The following KCNAB1 variants were observed in gnomAD, a reference collection of about 807,000 sequenced individuals.
The protein encoded by KCNAB1 is potassium voltage-gated channel subfamily A regulatory beta subunit 1, also known as voltage-gated potassium channel subunit beta-1.
Under a neutral mutation model 64.6 loss-of-function variants are expected in KCNAB1, and 35 were observed. That is an observed-to-expected ratio of 0.54 (90% CI 0.41 to 0.72). The LOEUF is 0.72. KCNAB1 is among the 30% of genes least tolerant of loss of function. The pLI, the probability that KCNAB1 is intolerant of heterozygous loss-of-function variation, is 0.00. For missense variants in KCNAB1, 401 were observed against 512.9 expected, an observed-to-expected ratio of 0.78 and a Z score of 2.11; for synonymous variants, 177 against 183.8, an observed-to-expected ratio of 0.96 and a Z score of 0.30.
At chr3:156,165,271 C>T (rs1711509320) in intron 1 of KCNAB1, among the ~76,000 whole-genome samples, 1 of 121,664 alleles carries the variant, frequency 8.2e-6, no homozygotes, top group Non-Finnish European at 1.6e-5. Context: ...GAGCGAGACT[C>T]CGTCTCAAAA....
chr3:156,124,516 C>T (rs1025769088), intron 1 of KCNAB1, among the ~76,000 whole-genome samples: 1 of 151,700 alleles, frequency 6.6e-6, no homozygotes, highest in African/African-American at 2.4e-5. Flanking sequence ...CGTGCCTGGC[C>T]GAGGCTCTAT....
intron 1 of KCNAB1, among the ~76,000 whole-genome samples, chr3:156,314,183 G>C (rs950382917): frequency 6.6e-6 from 1 of 152,216 alleles, no homozygotes; most frequent in East Asian, 1.9e-4. Flanking sequence ...TATATACTGG[G>C]CACAGTTCAG....
At chr3:156,201,198 A>C (rs1300562468) in intron 1 of KCNAB1, among the ~76,000 whole-genome samples, 2 of 152,244 alleles carry the variant, frequency 1.3e-5, no homozygotes, top group African/African-American at 4.8e-5. Flanking sequence ...TTGGAAATGC[A>C]GAAATCACCC....
intron 1 of KCNAB1, among the ~76,000 whole-genome samples, chr3:156,134,986 T>G (rs138948364): frequency 1.7e-3 from 255 of 152,238 alleles, no homozygotes; most frequent in South Asian, 5.8e-3. Context: ...TAAACAGATT[T>G]AGTTTTCTTT....
chr3:156,172,250 T>G (rs1407478158), intron 1 of KCNAB1, among the ~76,000 whole-genome samples: 1 of 151,302 alleles, frequency 6.6e-6, no homozygotes, highest in African/African-American at 2.4e-5. Context: ...AACAGAATTT[T>G]GAAGCCTTGC....
intron 1 of KCNAB1, among the ~76,000 whole-genome samples, chr3:156,220,737 T>A (rs1264757384): frequency 4.6e-5 from 7 of 152,206 alleles, no homozygotes; most frequent in African/African-American, 1.7e-4. Context: ...CCCATTTGTC[T>A]ATTTTGGCTT....
intron 8 of KCNAB1, among the ~76,000 whole-genome samples, chr3:156,488,141 A>G (rs1005961178): frequency 2.6e-5 from 4 of 152,272 alleles, no homozygotes; most frequent in South Asian, 2.1e-4. Context: ...TTGAGTGTCT[A>G]CTGTATACCA....
chr3:156,162,722 A>G (rs1716155359), intron 1 of KCNAB1, among the ~76,000 whole-genome samples: 1 of 152,032 alleles, frequency 6.6e-6, no homozygotes, highest in African/African-American at 2.4e-5. Context: ...GGTTTAAAAG[A>G]AAACAAAACA....
At chr3:156,358,825 A>C (rs1180229748) in intron 1 of KCNAB1, among the ~76,000 whole-genome samples, 3 of 152,234 alleles carry the variant, frequency 2.0e-5, no homozygotes, top group African/African-American at 7.2e-5. Flanking sequence ...GTTGGTATTT[A>C]AAACATCTAG....
chr3:156,446,698 C>A (rs776373085), intron 2 of KCNAB1: 1 of 151,882 alleles, frequency 6.6e-6, no homozygotes, highest in Non-Finnish European at 1.5e-5. Flanking sequence ...AATACTATTG[C>A]TTCCCCTTCA....
At chr3:156,402,577 G>A (rs1230740836) in intron 1 of KCNAB1, among the ~76,000 whole-genome samples, 1 of 152,194 alleles carries the variant, frequency 6.6e-6, no homozygotes, top group African/African-American at 2.4e-5. Context: ...ACAATGATAT[G>A]TGATTATTCA....
intron 1 of KCNAB1, among the ~76,000 whole-genome samples, chr3:156,253,899 A>G (rs911015805): frequency 2.6e-5 from 4 of 152,214 alleles, no homozygotes; most frequent in South Asian, 2.1e-4. Flanking sequence ...CATGGAGGCC[A>G]TGCCCCCAGC....
chr3:156,523,239 CA>C (rs1310200917), intron 11 of KCNAB1, among the ~76,000 whole-genome samples: 1 of 151,976 alleles, frequency 6.6e-6, no homozygotes, highest in East Asian at 1.9e-4. Flanking sequence ...TTTTAAAAAC[CA>C]ACTCAGTACC....
At chr3:156,131,845 T>A (rs1433482142) in intron 1 of KCNAB1, among the ~76,000 whole-genome samples, 1 of 152,184 alleles carries the variant, frequency 6.6e-6, no homozygotes, top group Non-Finnish European at 1.5e-5. Flanking sequence ...GTCATCTTCA[T>A]CTTTTGTTTT....
At chr3:156,534,940 T>C (rs1718952745) in intron 13 of KCNAB1, among the ~76,000 whole-genome samples, 1 of 152,178 alleles carries the variant, frequency 6.6e-6, no homozygotes, top group South Asian at 2.1e-4. Context: ...TTAAATCTCT[T>C]TCCTATAGAG....
chr3:156,535,294 A>T (rs1718977361), intron 13 of KCNAB1, among the ~76,000 whole-genome samples: 1 of 152,108 alleles, frequency 6.6e-6, no homozygotes, highest in Admixed American at 6.5e-5. Flanking sequence ...TGAGGTTGAA[A>T]CCTCAGAATT....
chr3:156,123,216 A>G (rs1245621690), intron 1 of KCNAB1, among the ~76,000 whole-genome samples: 1 of 152,254 alleles, frequency 6.6e-6, no homozygotes, highest in African/African-American at 2.4e-5. Context: ...CATTACTTAC[A>G]AGACAGAATA....
chr3:156,377,537 A>G (rs1166269671), intron 1 of KCNAB1, among the ~76,000 whole-genome samples: 1 of 152,116 alleles, frequency 6.6e-6, no homozygotes, highest in Non-Finnish European at 1.5e-5. Flanking sequence ...AGGCTGGTGG[A>G]CTGTATTGTG....
chr3:156,461,602 T>C (rs747372425), intron 5 of KCNAB1, among the ~76,000 whole-genome samples: 1 of 152,194 alleles, frequency 6.6e-6, no homozygotes, highest in Non-Finnish European at 1.5e-5. Flanking sequence ...TGGAGATAAT[T>C]CCACTAATAG....
Sources: allele counts gnomAD v4.1 joint callset (sites outside exome capture counted in the v4.1 genomes callset), GRCh38; gene constraint gnomAD v4.1.1; transcripts MANE v1.5; gene names NCBI Gene and HGNC (gene_info 2026-07-23, HGNC 2026-07-21).